MAST4: variants seen among roughly 807,000 people sequenced by gnomAD.
The protein encoded by MAST4 is microtubule-associated serine/threonine-protein kinase 4.
MAST4 carries 89 observed loss-of-function variants against 162.7 expected under a neutral mutation model. That is an observed-to-expected ratio of 0.55 (90% CI 0.46 to 0.65). The LOEUF (loss-of-function observed/expected upper bound fraction) is 0.65, where lower values mean the gene tolerates loss of function less well. MAST4 is among the 30% of genes least tolerant of loss of function. The pLI is 0.00. For synonymous variants in MAST4, 1,479 were observed against 1,361.1 expected (o/e 1.09, Z -1.91); for missense variants, 3,153 against 3,374.0 (o/e 0.93, Z 1.62).
chr5:66,755,180 A>G (rs1221234476), intron 1 of MAST4, among the ~76,000 whole-genome samples: 1 of 152,174 alleles, frequency 6.6e-6, no homozygotes, highest in Non-Finnish European at 1.5e-5. Context: ...GAAATGGTGA[A>G]GTGATCTTGG....
chr5:66,601,188 AATTTAT>A (rs1226363212), intron 1 of MAST4, among the ~76,000 whole-genome samples: 3 of 152,206 alleles, frequency 2.0e-5, no homozygotes, highest in Admixed American at 6.5e-5. Context: ...CTTTTCATTG[AATTTAT>A]ATTTTATTAA....
intron 5 of MAST4, among the ~76,000 whole-genome samples, chr5:67,067,987 T>C (rs574274949): frequency 8.0e-4 from 122 of 152,286 alleles, no homozygotes; most frequent in African/African-American, 2.9e-3. Context: ...CCAGTGCACC[T>C]AGTGTCCAGG....
intron 1 of MAST4, among the ~76,000 whole-genome samples, chr5:66,693,907 G>C (rs931958625): frequency 1.3e-5 from 2 of 152,270 alleles, no homozygotes; most frequent in Non-Finnish European, 1.5e-5. Context: ...CTTTATACAA[G>C]GGGAGGGATT....
At chr5:67,051,199 A>G (rs571504723) in intron 4 of MAST4, among the ~76,000 whole-genome samples, 27 of 147,098 alleles carry the variant, frequency 1.8e-4, no homozygotes, top group African/African-American at 6.3e-4. Flanking sequence ...AAAAAAAAAC[A>G]AGGCAGAATT....
intron 17 of MAST4, 133 bp downstream of exon 17, chr5:67,133,779 A>G: frequency 1.0e-6 from 1 of 982,114 alleles, no homozygotes; most frequent in Non-Finnish European, 1.5e-6. Context: ...CCTTACATTT[A>G]ATAAAGTGCA....
rs201016469 is a variant in MAST4 at position 66,694,203 on chromosome 5, TG to T, written c.364-65503del. Among the ~76,000 whole-genome samples the T allele has an allele frequency of 2.1e-3, 320 of 152,244 alleles. 6 individuals carry two copies. The South Asian group carries it at 0.037, about 18-fold the overall frequency. ...ATTTCTTGGAATAGAGCCTGGAGCTTGGGTGTTTTTTCAAAAGCTCCCCAGC... is the reference window on the plus strand; with the variant it reads ...ATTTCTTGGAATAGAGCCTGGAGCTTGGTGTTTTTTCAAAAGCTCCCCAGC... On this transcript the variant is annotated intron_variant, in intron 1 of 28. Coordinates refer to ENST00000403625, the MANE Select transcript of MAST4 (RefSeq NM_001164664.2).
intron 13 of MAST4, among the ~76,000 whole-genome samples, chr5:67,120,027 C>T (rs755360180): frequency 1.3e-5 from 2 of 152,170 alleles, no homozygotes; most frequent in Admixed American, 6.5e-5. Context: ...GTCCCAGTCT[C>T]GAAGTCTGTT....
At chr5:66,800,159 A>G (rs1206013870) in intron 3 of MAST4, among the ~76,000 whole-genome samples, 1 of 152,192 alleles carries the variant, frequency 6.6e-6, no homozygotes, top group Non-Finnish European at 1.5e-5. Flanking sequence ...CAGATTTGCC[A>G]TGTTTTCTGC....
At chr5:66,972,409 C>G (rs190324154) in intron 4 of MAST4, among the ~76,000 whole-genome samples, 9 of 152,314 alleles carry the variant, frequency 5.9e-5, no homozygotes, top group African/African-American at 2.2e-4. Context: ...AGAACATTTA[C>G]TTTCTCACAG....
At chr5:67,144,163 T>C (rs1770757208) in intron 21 of MAST4, among the ~76,000 whole-genome samples, 1 of 152,188 alleles carries the variant, frequency 6.6e-6, no homozygotes, top group Non-Finnish European at 1.5e-5. Context: ...ACGGAATATG[T>C]ACTGCATCCT....
At chr5:67,008,943 A>G (rs992140568) in intron 4 of MAST4, among the ~76,000 whole-genome samples, 1 of 152,176 alleles carries the variant, frequency 6.6e-6, no homozygotes, top group African/African-American at 2.4e-5. Flanking sequence ...TCATGAATAT[A>G]TGTCATGACT....
intron 3 of MAST4, chr5:66,828,691 T>C: frequency 8.7e-7 from 1 of 1,150,448 alleles, no homozygotes; most frequent in Non-Finnish European, 1.2e-6. Context: ...CTGGAGTGAA[T>C]AACTAAGCTG....
intron 1 of MAST4, among the ~76,000 whole-genome samples, chr5:66,700,834 C>T (rs1749729053): frequency 6.7e-6 from 1 of 148,472 alleles, no homozygotes; most frequent in Non-Finnish European, 1.5e-5. Flanking sequence ...CACATATATA[C>T]ACATCGGTGT....
intron 4 of MAST4, among the ~76,000 whole-genome samples, chr5:67,041,949 C>G (rs1237860409): frequency 6.6e-6 from 1 of 152,218 alleles, no homozygotes; most frequent in Non-Finnish European, 1.5e-5. Context: ...TATTATTATC[C>G]CTGCTCTACA....
chr5:66,790,174 C>A (rs1755332028), intron 3 of MAST4, among the ~76,000 whole-genome samples: 1 of 151,860 alleles, frequency 6.6e-6, no homozygotes, highest in Non-Finnish European at 1.5e-5. Flanking sequence ...TGTATTGTGT[C>A]TTATAATTTT....
chr5:67,118,661 C>T, intron 12 of MAST4, 21 bp from the exon 13 acceptor site: 1 of 1,161,848 alleles, frequency 8.6e-7, no homozygotes, highest in Non-Finnish European at 1.2e-6. Flanking sequence ...TTAAGCTTAA[C>T]TTTTTTTTTT....
At chr5:66,724,541 T>C (rs1239803685) in intron 1 of MAST4, among the ~76,000 whole-genome samples, 1 of 152,126 alleles carries the variant, frequency 6.6e-6, no homozygotes, top group South Asian at 2.1e-4. Context: ...TGGGGATATG[T>C]TCTGAGAAGC....
intron 5 of MAST4, among the ~76,000 whole-genome samples, chr5:67,085,884 C>G (rs932779675): frequency 1.3e-5 from 2 of 152,116 alleles, no homozygotes. Flanking sequence ...TCAGGGGGAA[C>G]GGAACTGTTA....
intron 1 of MAST4, among the ~76,000 whole-genome samples, chr5:66,751,365 TCAAACCAAAG>T (rs1753156213): frequency 6.6e-6 from 1 of 152,080 alleles, no homozygotes; most frequent in Admixed American, 6.5e-5. Flanking sequence ...AGGAGGACAT[TCAAACCAAAG>T]GCAAAGAAGT....
Sources: allele counts gnomAD v4.1 joint callset (sites outside exome capture counted in the v4.1 genomes callset), GRCh38; gene constraint gnomAD v4.1.1; transcripts MANE v1.5; gene names NCBI Gene and HGNC (gene_info 2026-07-23, HGNC 2026-07-21).